Variants in WNK2 observed in about 807,000 individuals in gnomAD.
WNK2 encodes WNK lysine deficient protein kinase 2, also known as serine/threonine-protein kinase WNK2.
A neutral mutation model predicts 192.1 loss-of-function variants in WNK2; 67 were observed. The observed-to-expected ratio is 0.35, with a 90% CI of 0.29 to 0.43. WNK2 has a LOEUF of 0.43. Among genes scored for constraint, WNK2 ranks in the 20% least tolerant of loss-of-function variants. The pLI, the probability that WNK2 is intolerant of heterozygous loss-of-function variation, is 1.00. For synonymous variants in WNK2, 1,439 were observed against 1,393.9 expected (o/e 1.03, Z -0.72); for missense variants, 2,698 against 3,089.7 (o/e 0.87, Z 3.01).
chr9:93,287,550 C>T (rs1448994938), intron 19 of WNK2, among the ~76,000 whole-genome samples: 1 of 152,096 alleles, frequency 6.6e-6, no homozygotes, highest in African/African-American at 2.4e-5. Flanking sequence ...GCAGCACGAC[C>T]ATCATGTTTA....
intron 29 of WNK2, chr9:93,318,174 G>A (rs1855081613): frequency 3.3e-6 from 5 of 1,496,060 alleles, no homozygotes; most frequent in East Asian, 4.6e-5. Context: ...AAAAATTATC[G>A]GAAAAGGTTT....
Position 93,256,471 on chromosome 9 carries a change from C to G in WNK2, c.2190+17C>G, listed in dbSNP as rs1306373333. 1 of 1,503,508 alleles carries G rather than the reference C, an allele frequency of 6.7e-7. No homozygotes were observed. Among genetic ancestry groups the G allele is most frequent in the Admixed American group, 2.1e-5 (1 of 48,746 alleles). The allele number at this position is 1,503,508 out of a possible 1,614,324, so 93.1% of individuals were successfully genotyped here. On this transcript the variant is annotated intron_variant, in intron 10 of 29. Transcript: ENST00000427277. ...GGCCAGCAGGTGAGTGTGGCACCTC[C>G]TGTGGCCACTGTCCCTCCAGGCAGG...
chr9:93,211,216 A>G lies in WNK2; in HGVS notation c.682-18480A>G, dbSNP rs62641081. Among the ~76,000 whole-genome samples the G allele has an allele frequency of 2.9e-3, 35 of 12,184 alleles. 3 individuals are homozygous for G. The highest frequency in any genetic ancestry group is 7.2e-3 in the African/African-American group (22 of 3,050). The allele number at this position is 12,184 out of a possible 152,430, so 8.0% of individuals were successfully genotyped here. A position where few individuals can be genotyped will look rare whatever the true frequency, so the allele number is the denominator to read the frequency against. ...CACTCACACATTTACTCATTCAATC[A>G]CTCATCCACTCACTCACTCACTCAT... On this transcript the variant is annotated intron_variant, in intron 2 of 29. Coordinates refer to ENST00000427277, the MANE Select transcript of WNK2 (RefSeq NM_006648.4).
At chr9:93,269,997 G>C (rs12002458) in intron 19 of WNK2, among the ~76,000 whole-genome samples, 18,913 of 152,208 alleles carry the variant, frequency 0.12, 1,276 homozygotes, top group African/African-American at 0.16. Context: ...GGAGACATAG[G>C]GATGTGAACC....
Position 93,230,925 on chromosome 9 carries a change from C to T in WNK2, c.892C>T (p.Leu298Phe), listed in dbSNP as rs1456664442. 1.2e-6 allele frequency: 2 copies of T among 1,613,830 alleles called. No individual in the cohort carries two copies. Among genetic ancestry groups the T allele is most frequent in the Non-Finnish European group, 1.7e-6 (2 of 1,179,890 alleles). The change falls in exon 4 of 30, where the codon CTC (leucine) becomes TTC (phenylalanine). Residue 298 changes from leucine (L) to phenylalanine (F), a missense_variant. Coordinates refer to ENST00000427277, the MANE Select transcript of WNK2 (RefSeq NM_006648.4). ...KRFKVMKPKV[L>F]RSWCRQILKG... The stretch of plus-strand genomic sequence containing the variant: ...GTTCAAGGTGATGAAGCCCAAGGTT[C>T]TCCGCAGCTGGTGCCGGCAGATCCT...
At chr9:93,220,832 C>T (rs1030266343) in intron 2 of WNK2, among the ~76,000 whole-genome samples, 3 of 152,192 alleles carry the variant, frequency 2.0e-5, no homozygotes, top group African/African-American at 4.8e-5. Context: ...AGGTGGTCCA[C>T]AGTCCTGTCA....
intron 8 of WNK2, among the ~76,000 whole-genome samples, chr9:93,249,104 T>C (rs1225875507): frequency 6.6e-6 from 1 of 152,228 alleles, no homozygotes; most frequent in Non-Finnish European, 1.5e-5. Flanking sequence ...TATTGCTCCA[T>C]TTTCTGATAC....
chr9:93,226,245 A>G (rs1455988443), intron 2 of WNK2, among the ~76,000 whole-genome samples: 1 of 152,130 alleles, frequency 6.6e-6, no homozygotes, highest in African/African-American at 2.4e-5. Context: ...ATTTACTCTG[A>G]CCTGGCCTTG....
chr9:93,318,003 G>A (rs769557339), intron 29 of WNK2: 7 of 1,612,816 alleles, frequency 4.3e-6, no homozygotes, highest in Admixed American at 1.7e-5. Context: ...CTTCCTTTGC[G>A]GCTTCAGACC....
chr9:93,278,991 G>A (rs549487021), intron 19 of WNK2, among the ~76,000 whole-genome samples: 3 of 152,176 alleles, frequency 2.0e-5, no homozygotes, highest in Admixed American at 6.5e-5. Context: ...CCCTGATGAA[G>A]GGAATATACA....
chr9:93,246,298 G>T (rs971821619), intron 7 of WNK2, among the ~76,000 whole-genome samples: 1 of 152,122 alleles, frequency 6.6e-6, no homozygotes, highest in African/African-American at 2.4e-5. Flanking sequence ...GCCCAGCCTT[G>T]AGCTGCCGCC....
intron 9 of WNK2, among the ~76,000 whole-genome samples, chr9:93,255,024 C>T (rs1843087565): frequency 6.6e-6 from 1 of 152,140 alleles, no homozygotes; most frequent in South Asian, 2.1e-4. Context: ...CTTGGTGATG[C>T]TGCTGGTCTC....
intron 11 of WNK2, among the ~76,000 whole-genome samples, chr9:93,258,433 A>C (rs189095397): frequency 3.9e-4 from 59 of 152,318 alleles, no homozygotes; most frequent in Admixed American, 3.1e-3. Context: ...GAATTTGTGC[A>C]TGTTGCAGGG....
At chr9:93,289,926 A>T in intron 20 of WNK2, 52 bp from the exon 21 acceptor site, 1 of 1,514,360 alleles carries the variant, frequency 6.6e-7, no homozygotes, top group Non-Finnish European at 8.9e-7. Context: ...AGCTGTTGAG[A>T]TGCTGACCTG....
intron 2 of WNK2, among the ~76,000 whole-genome samples, chr9:93,191,802 A>G (rs970685191): frequency 5.3e-5 from 8 of 151,792 alleles, no homozygotes; most frequent in Non-Finnish European, 1.2e-4. Flanking sequence ...AGACGGGTGG[A>G]TCATTTGAGG....
At position 93,317,571 on chromosome 9, in the gene WNK2, GGCCCTCTGTCC is replaced by G; in HGVS notation, c.6569_6579del (p.Gly2190AspfsTer19). 1 of 1,613,464 alleles carries G rather than the reference GGCCCTCTGTCC, an allele frequency of 6.2e-7. No homozygotes were observed. Reference sequence around the variant, plus strand: ...GATGCCACGTCTGCCCCCAGCGCCCGGCCCTCTGTCCACCACGGTCATTCCCGGAGCCGCCC... The same window carrying G: ...GATGCCACGTCTGCCCCCAGCGCCCGACCACGGTCATTCCCGGAGCCGCCC... On this transcript the variant is annotated frameshift_variant, in exon 29 of 30. Coordinates refer to ENST00000427277, the MANE Select transcript of WNK2 (RefSeq NM_006648.4). LOFTEE classifies it high-confidence loss of function.
intron 9 of WNK2, among the ~76,000 whole-genome samples, chr9:93,255,762 A>G (rs1031231541): frequency 6.6e-6 from 1 of 152,226 alleles, no homozygotes; most frequent in Non-Finnish European, 1.5e-5. Flanking sequence ...ACAAAGCCCA[A>G]TTCCATTAGT....
intron 2 of WNK2, among the ~76,000 whole-genome samples, chr9:93,224,355 T>G (rs563760523): frequency 1.3e-4 from 20 of 152,194 alleles, no homozygotes; most frequent in South Asian, 2.1e-4. Context: ...CAGGTGGCCC[T>G]GAAGTGTCAT....
In WNK2 at chr9:93,308,406, A is replaced by G. The variant is rs141800766; in HGVS notation, c.6338A>G (p.Asn2113Ser). 7.1e-5 allele frequency: 114 copies of G among 1,595,154 alleles called. 1 individual carries two copies. Among genetic ancestry groups the G allele is most frequent in the East Asian group, 7.1e-4 (31 of 43,860 alleles). Residue 2113 changes from asparagine (N) to serine (S), a missense_variant, in exon 28 of 30, where the codon AAC (asparagine) becomes AGC (serine). By Grantham distance (46) the Asn-to-Ser change is conservative (BLOSUM62 1). This residue lies in a region of WNK2 where 167 missense variants were observed against 184.2 expected (regional missense o/e 0.91). Transcript: ENST00000427277. The part of the protein sequence containing the change: ...PALHVQAQVN[N>S]SNNKKGTFTD... ...CTGCACGTCCAGGCGCAGGTGAACA[A>G]CAGCAACAACAAGAAGGGTACCTTC...
Sources: gnomAD v4.1 joint callset for allele counts (sites outside exome capture counted in the v4.1 genomes callset) on GRCh38, gnomAD v4.1.1 for gene constraint, gnomAD v4.1.1 regional missense constraint, MANE v1.5 for transcripts, NCBI Gene and HGNC (gene_info 2026-07-23, HGNC 2026-07-21) for gene names.